DLG2: variants seen among roughly 807,000 people sequenced by gnomAD.
DLG2 encodes disks large homolog 2.
DLG2 carries 45 observed loss-of-function variants against 132.5 expected under a neutral mutation model. That is an observed-to-expected ratio of 0.34 (90% CI 0.27 to 0.44). The LOEUF is 0.44. Among genes scored for constraint, DLG2 ranks in the 20% least tolerant of loss-of-function variants. DLG2 has a pLI of 1.00. For missense variants in DLG2, 1,045 were observed against 1,196.9 expected, an observed-to-expected ratio of 0.87 and a Z score of 1.87; for synonymous variants, 424 against 419.6, an observed-to-expected ratio of 1.01 and a Z score of -0.13.
intron 7 of DLG2, among the ~76,000 whole-genome samples, chr11:84,439,021 C>A (rs1373305219): frequency 1.3e-5 from 2 of 152,130 alleles, no homozygotes; most frequent in African/African-American, 2.4e-5. Flanking sequence ...ATGTTGAATA[C>A]CCTCATAGGC....
intron 7 of DLG2, among the ~76,000 whole-genome samples, chr11:84,509,017 G>A (rs1052514256): frequency 4.6e-5 from 7 of 152,180 alleles, no homozygotes; most frequent in East Asian, 1.9e-4. Context: ...ATAGCTGAGC[G>A]CAAACACAAG....
chr11:83,906,761 C>T (rs1181392905), intron 15 of DLG2, among the ~76,000 whole-genome samples: 1 of 152,014 alleles, frequency 6.6e-6, no homozygotes, highest in Non-Finnish European at 1.5e-5. Context: ...TACTGGAAAC[C>T]AACGAAGAAA....
intron 11 of DLG2, among the ~76,000 whole-genome samples, chr11:83,982,659 A>G (rs1007503190): frequency 1.1e-4 from 17 of 152,200 alleles, no homozygotes; most frequent in Non-Finnish European, 1.8e-4. Flanking sequence ...TTAAAAATAA[A>G]CTTAATCTAG....
chr11:84,883,263 A>T (rs956388573), intron 6 of DLG2, among the ~76,000 whole-genome samples: 1 of 152,052 alleles, frequency 6.6e-6, no homozygotes, highest in South Asian at 2.1e-4. Flanking sequence ...GAACAATGAG[A>T]ACACATGGAC....
chr11:84,198,710 C>G (rs1391308666), intron 8 of DLG2, among the ~76,000 whole-genome samples: 1 of 152,080 alleles, frequency 6.6e-6, no homozygotes, highest in Non-Finnish European at 1.5e-5. Flanking sequence ...AACCCTTTAT[C>G]ACTATTGGGG....
intron 17 of DLG2, chr11:83,791,349 C>T: frequency 1.5e-6 from 1 of 672,512 alleles, no homozygotes; most frequent in Non-Finnish European, 2.7e-6. Flanking sequence ...TTAACGTATC[C>T]ATCAAGCTTT....
chr11:84,468,893 C>T (rs1185895409), intron 7 of DLG2, among the ~76,000 whole-genome samples: 2 of 151,464 alleles, frequency 1.3e-5, no homozygotes, highest in African/African-American at 4.8e-5. Flanking sequence ...CAGGGAGACT[C>T]ATTGACTAAT....
chr11:85,057,488 A>T (rs1402876227), intron 6 of DLG2, among the ~76,000 whole-genome samples: 1 of 151,668 alleles, frequency 6.6e-6, no homozygotes, highest in Non-Finnish European at 1.5e-5. Context: ...TAAATTTTCT[A>T]ATCTCTGATA....
intron 7 of DLG2, among the ~76,000 whole-genome samples, chr11:84,370,212 C>G (rs190334183): frequency 6.6e-6 from 1 of 152,228 alleles, no homozygotes; most frequent in East Asian, 1.9e-4. Flanking sequence ...TTTCACAGAT[C>G]TGAGCTGCCT....
intron 11 of DLG2, among the ~76,000 whole-genome samples, chr11:84,056,037 G>A (rs2096492077): frequency 6.6e-6 from 1 of 151,968 alleles, no homozygotes; most frequent in South Asian, 2.1e-4. Flanking sequence ...GCTCAAGGAA[G>A]GTCAGATAAA....
At chr11:83,519,972 T>C (rs921827339) in intron 21 of DLG2, among the ~76,000 whole-genome samples, 9 of 152,220 alleles carry the variant, frequency 5.9e-5, no homozygotes, top group Non-Finnish European at 1.2e-4. Flanking sequence ...CATTCACATT[T>C]ACCTCATGCC....
At position 85,174,428 on chromosome 11, in the gene DLG2, A is replaced by G. The variant is rs140064157; in HGVS notation, c.187-19777T>C. Among the ~76,000 whole-genome samples, 864 of 152,110 alleles carry G rather than the reference A, an allele frequency of 5.7e-3. 8 individuals carry two copies. Among genetic ancestry groups the G allele is most frequent in the African/African-American group, 0.02 (826 of 41,546 alleles). ...AAGAAGTTCTTTGAAACAAATGAAA[A>G]CAATAAAGTATCAGAATCTCTGGGA... is the stretch of plus-strand genomic sequence containing the variant. On this transcript the variant is annotated intron_variant, in intron 4 of 27. Coordinates refer to ENST00000376104, the MANE Select transcript of DLG2 (RefSeq NM_001142699.3).
chr11:83,856,579 T>G (rs2060566849), intron 16 of DLG2, among the ~76,000 whole-genome samples: 1 of 152,242 alleles, frequency 6.6e-6, no homozygotes, highest in African/African-American at 2.4e-5. Context: ...ATTTCTCTAA[T>G]GATCAGTGAT....
chr11:84,888,795 G>C (rs1326781967), intron 6 of DLG2, among the ~76,000 whole-genome samples: 4 of 152,152 alleles, frequency 2.6e-5, no homozygotes, highest in Admixed American at 6.5e-5. Flanking sequence ...ATGTTGGCTG[G>C]TTCTGCTATC....
intron 8 of DLG2, among the ~76,000 whole-genome samples, chr11:84,182,305 T>G (rs1202313568): frequency 6.6e-6 from 1 of 151,700 alleles, no homozygotes; most frequent in Non-Finnish European, 1.5e-5. Context: ...TATTTTGAAC[T>G]AAATGAAATT....
chr11:84,536,078 A>G (rs990781772), intron 6 of DLG2, among the ~76,000 whole-genome samples: 3 of 152,142 alleles, frequency 2.0e-5, no homozygotes, highest in Admixed American at 6.5e-5. Flanking sequence ...CAGATTATCA[A>G]TACTTACACT....
intron 3 of DLG2, among the ~76,000 whole-genome samples, chr11:85,493,604 G>C (rs944234523): frequency 1.3e-5 from 2 of 151,818 alleles, no homozygotes; most frequent in Admixed American, 1.3e-4. Context: ...CCAGGAGTTC[G>C]AGGTGCAGCG....
chr11:84,811,761 A>T (rs1238591088), intron 6 of DLG2, among the ~76,000 whole-genome samples: 1 of 152,174 alleles, frequency 6.6e-6, no homozygotes, highest in East Asian at 1.9e-4. Flanking sequence ...TGTGATAGAA[A>T]CTATGCTAGG....
In DLG2 at chr11:85,299,537, C is replaced by T. The variant is rs1221429719; in HGVS notation, c.41-14172G>A. Among the ~76,000 whole-genome samples, 5 of 152,060 alleles carry T rather than the reference C, an allele frequency of 3.3e-5. No homozygotes were observed. The East Asian group carries it at 5.8e-4, about 18-fold the overall frequency. On this transcript the variant is annotated intron_variant, in intron 3 of 27. Coordinates refer to ENST00000376104, the MANE Select transcript of DLG2 (RefSeq NM_001142699.3). ...TCCCCATTATTGCCTTTGCACTTTGCATTTATCTTGTGATTCTTATGACCC... is the reference window on the plus strand; with the variant it reads ...TCCCCATTATTGCCTTTGCACTTTGTATTTATCTTGTGATTCTTATGACCC...
Sources: gnomAD v4.1 joint callset for allele counts (sites outside exome capture counted in the v4.1 genomes callset) on GRCh38, gnomAD v4.1.1 for gene constraint, MANE v1.5 for transcripts, NCBI Gene and HGNC (gene_info 2026-07-23, HGNC 2026-07-21) for gene names.